TRAPPC8: variants seen among roughly 807,000 people sequenced by gnomAD.
The protein encoded by TRAPPC8 is general sporulation gene 1 homolog.
Under a neutral mutation model 174.3 loss-of-function variants are expected in TRAPPC8, and 54 were observed. That is an observed-to-expected ratio of 0.31 (90% CI 0.25 to 0.39). TRAPPC8 has a LOEUF of 0.39. TRAPPC8 is among the 10% of genes least tolerant of loss of function. The pLI is 1.00. For synonymous variants in TRAPPC8, 630 were observed against 579.9 expected, an observed-to-expected ratio of 1.09 and a Z score of -1.24; for missense variants, 1,531 against 1,699.1, an observed-to-expected ratio of 0.90 and a Z score of 1.74.
At position 31,913,444 on chromosome 18, in the gene TRAPPC8, T is replaced by A; in HGVS notation, c.696A>T (p.Thr232=). ...TCTGTTCATCTGATGCTCGATTAGATGTTCGAGAATTAATTTTAAGTAAAT... is the reference window on the plus strand; with the variant it reads ...TCTGTTCATCTGATGCTCGATTAGAAGTTCGAGAATTAATTTTAAGTAAAT... ...GCYLLKINSR[T]SNRASDEQIP... is the part of the protein sequence containing the mutation. Residue 232 remains threonine, a synonymous_variant, in exon 5 of 29, where the codon ACA becomes ACT. Coordinates refer to ENST00000283351, the MANE Select transcript of TRAPPC8 (RefSeq NM_014939.5). 2.5e-6 allele frequency: 4 copies of A among 1,611,972 alleles called. No homozygotes were observed. Among genetic ancestry groups the A allele is most frequent in the East Asian group, 4.5e-5 (2 of 44,772 alleles).
At chr18:31,907,634 T>G (rs2036721717) in intron 8 of TRAPPC8, 24 bp from the exon 9 acceptor site, 1 of 1,543,076 alleles carries the variant, frequency 6.5e-7, no homozygotes, top group Non-Finnish European at 8.8e-7. Flanking sequence ...AGAAAATAAT[T>G]TATAATTTAT....
At chr18:31,908,672 A>G (rs1386404535) in intron 7 of TRAPPC8, 82 bp downstream of exon 7, 8 of 1,368,320 alleles carry the variant, frequency 5.8e-6, no homozygotes, top group Non-Finnish European at 5.8e-6. Context: ...AAATAAAACA[A>G]AACTTCAAAT....
chr18:31,911,360 T>C (rs2036895081), intron 5 of TRAPPC8, among the ~76,000 whole-genome samples: 1 of 151,056 alleles, frequency 6.6e-6, no homozygotes, highest in South Asian at 2.1e-4. Context: ...CGACTAAAAA[T>C]GAATCGCTTG....
rs755595703 is a variant in TRAPPC8 at position 31,864,596 on chromosome 18, T to C, written c.2745+31A>G. Reference sequence around the variant, plus strand: ...AGAATATTTGCTCATATAGATAAATTAAGTCCATGAAATTTTAAAAAGTGA... The same window carrying C: ...AGAATATTTGCTCATATAGATAAATCAAGTCCATGAAATTTTAAAAAGTGA... On this transcript the variant is annotated intron_variant, in intron 19 of 28. Transcript: ENST00000283351. 4 of 1,599,934 alleles carry C rather than the reference T, an allele frequency of 2.5e-6. No homozygotes were observed. In the South Asian group the frequency reaches 4.6e-5, roughly 18 times the overall value.
intron 11 of TRAPPC8, among the ~76,000 whole-genome samples, chr18:31,893,947 CTA>C (rs2036078012): frequency 6.6e-6 from 1 of 152,148 alleles, no homozygotes; most frequent in African/African-American, 2.4e-5. Flanking sequence ...TTCTCATAAG[CTA>C]AGAATATCCC....
At chr18:31,937,506 G>C (rs1224056560) in intron 1 of TRAPPC8, 1 of 151,878 alleles carries the variant, frequency 6.6e-6, no homozygotes, top group Non-Finnish European at 1.5e-5. Context: ...CTGGGCAACA[G>C]AGTGAGGCTC....
intron 25 of TRAPPC8, among the ~76,000 whole-genome samples, chr18:31,849,203 A>G (rs975504798): frequency 6.6e-6 from 1 of 152,198 alleles, no homozygotes; most frequent in African/African-American, 2.4e-5. Flanking sequence ...TGAAATATGA[A>G]TAACAAAAAA....
chr18:31,916,289 A>G lies in TRAPPC8; in HGVS notation c.600T>C (p.Ser200=), dbSNP rs1209660990. ...AAACTTACCTCTGTTCATCTCCTGCACTTACATCATGTAAAAGTACATAGT... is the reference window on the plus strand; with the variant it reads ...AAACTTACCTCTGTTCATCTCCTGCGCTTACATCATGTAAAAGTACATAGT... ...LKYYVLLHDV[S]AGDEQRAESI... is the part of the protein sequence containing the mutation. The change falls in exon 4 of 29, where the codon AGT becomes AGC. Residue 200 remains serine (S), a synonymous_variant. Coordinates refer to ENST00000283351, the MANE Select transcript of TRAPPC8 (RefSeq NM_014939.5). 1.9e-6 allele frequency: 3 copies of G among 1,567,012 alleles called. No homozygotes were observed. The East Asian group carries it at 7.1e-5, about 37-fold the overall frequency.
At chr18:31,926,757 C>T (rs2037632960) in intron 2 of TRAPPC8, among the ~76,000 whole-genome samples, 1 of 152,098 alleles carries the variant, frequency 6.6e-6, no homozygotes, top group Non-Finnish European at 1.5e-5. Context: ...CTCCTGAAAA[C>T]ACAAAATACT....
intron 1 of TRAPPC8, among the ~76,000 whole-genome samples, chr18:31,935,443 C>T (rs1360511428): frequency 7.1e-6 from 1 of 140,158 alleles, no homozygotes; most frequent in Non-Finnish European, 1.5e-5. Context: ...GCCAGCTACT[C>T]GGCAGGCTGA....
chr18:31,874,350 G>A (rs1334824425), intron 13 of TRAPPC8, 130 bp downstream of exon 13: 2 of 972,378 alleles, frequency 2.1e-6, no homozygotes, highest in Non-Finnish European at 3.0e-6. Context: ...AGCCTAGCCT[G>A]CCACAGCTTT....
chr18:31,870,341 A>C, intron 16 of TRAPPC8, 31 bp downstream of exon 16: 1 of 1,579,284 alleles, frequency 6.3e-7, no homozygotes. Context: ...TGTAGCTGAA[A>C]CATAATTACA....
intron 27 of TRAPPC8, among the ~76,000 whole-genome samples, chr18:31,836,758 CTT>C (rs68104803): frequency 0.013 from 1,169 of 89,872 alleles, 11 homozygotes; most frequent in African/African-American, 0.051. Flanking sequence ...ATCTTTCAGT[CTT>C]TTTTTTTTTT....
At chr18:31,909,193 T>C (rs2036801810) in intron 6 of TRAPPC8, among the ~76,000 whole-genome samples, 183 bp from the exon 7 acceptor site, 1 of 152,108 alleles carries the variant, frequency 6.6e-6, no homozygotes, top group Non-Finnish European at 1.5e-5. Context: ...GAGCTTGAGT[T>C]AATATTTGTT....
Position 31,889,555 on chromosome 18 carries a change from G to A in TRAPPC8, c.1728+1180C>T, listed in dbSNP as rs149168016. Among the ~76,000 whole-genome samples the A allele has an allele frequency of 5.3e-3, 812 of 152,256 alleles. 1 individual carries two copies. The highest frequency in any genetic ancestry group is 6.1e-3 in the Non-Finnish European group (417 of 68,020). On this transcript the variant is annotated intron_variant, in intron 12 of 28. Coordinates refer to ENST00000283351, the MANE Select transcript of TRAPPC8 (RefSeq NM_014939.5). ...CTTTTAACCAGAGATACACAGTGGC[G>A]TAACATGTTTCAGATGCACTTGCAT...
intron 12 of TRAPPC8, among the ~76,000 whole-genome samples, chr18:31,885,134 G>A (rs2035645082): frequency 2.6e-5 from 4 of 152,118 alleles, no homozygotes. Flanking sequence ...TGGGATTATA[G>A]GCGTGAGCCA....
At chr18:31,934,687 G>A (rs184420730) in intron 1 of TRAPPC8, among the ~76,000 whole-genome samples, 2 of 152,128 alleles carry the variant, frequency 1.3e-5, no homozygotes, top group Non-Finnish European at 1.5e-5. Flanking sequence ...GGCCAACGTG[G>A]TGAAACCCCG....
intron 9 of TRAPPC8, among the ~76,000 whole-genome samples, chr18:31,906,704 T>C (rs1397549613): frequency 1.3e-5 from 2 of 152,230 alleles, no homozygotes; most frequent in Admixed American, 6.5e-5. Context: ...GCAACAAGTA[T>C]AGCAAATTCT....
intron 26 of TRAPPC8, among the ~76,000 whole-genome samples, chr18:31,846,223 C>T (rs1240541943): frequency 1.3e-5 from 2 of 152,142 alleles, no homozygotes; most frequent in Non-Finnish European, 2.9e-5. Context: ...AATTTATGTT[C>T]ACTTTTAACT....
Sources: allele counts gnomAD v4.1 joint callset (sites outside exome capture counted in the v4.1 genomes callset), GRCh38; gene constraint gnomAD v4.1.1; transcripts MANE v1.5; gene names NCBI Gene and HGNC (gene_info 2026-07-23, HGNC 2026-07-21).